The following LITAF variants were observed in gnomAD, a reference collection of about 807,000 sequenced individuals.
LITAF encodes lipopolysaccharide induced TNF factor, also known as lipopolysaccharide-induced tumor necrosis factor-alpha factor.
LITAF carries 9 observed loss-of-function variants against 14.5 expected under a neutral mutation model. The observed-to-expected ratio is 0.62, with a 90% CI of 0.37 to 1.08. The LOEUF is 1.08. Ranked by LOEUF, LITAF falls within the 50% of genes least tolerant of loss-of-function variation. The pLI, the probability that LITAF is intolerant of heterozygous loss-of-function variation, is 0.01. For synonymous variants in LITAF, 98 were observed against 88.2 expected (o/e 1.11, Z -0.62); for missense variants, 206 against 213.4 (o/e 0.97, Z 0.22).
intron 1 of LITAF, among the ~76,000 whole-genome samples, chr16:11,571,337 G>A (rs938593297): frequency 2.0e-5 from 3 of 152,188 alleles, no homozygotes; most frequent in Non-Finnish European, 2.9e-5. Flanking sequence ...AAAGTGGTGG[G>A]ATTACAGGCG....
At position 11,586,034 on chromosome 16, in the gene LITAF, C is replaced by G. The variant is rs1253014090; in HGVS notation, c.-6+852G>C. 1 of 152,678 alleles carries G rather than the reference C, an allele frequency of 6.5e-6. No homozygotes were observed. Among genetic ancestry groups the G allele is most frequent in the Non-Finnish European group, 1.5e-5 (1 of 68,372 alleles). 9.5% of individuals were successfully genotyped at this position (152,678 alleles called of 1,614,324 possible). ...CTTCGGGCACACCACCAACTGACCA[C>G]CTATCCACAGTGACCTGCAAACCAG... On this transcript the variant is annotated intron_variant, in intron 1 of 3. Coordinates refer to ENST00000622633, the MANE Select transcript of LITAF (RefSeq NM_001136472.2). This position sits in a 1 kb window ranked among gnomAD's most constrained non-coding sequence, Gnocchi z 6.5.
Position 11,558,676 on chromosome 16 carries a change from C to G in LITAF, c.-5-1941G>C, listed in dbSNP as rs2064311170. On this transcript the variant is annotated intron_variant, in intron 1 of 3. Transcript: ENST00000622633. This position sits in a 1 kb window ranked among gnomAD's most constrained non-coding sequence, Gnocchi z 4.1. ...TGAGCCATGATCACTCCACTGCACT[C>G]CAGCCTGGGAAACAGAGCGAGACTC... Among the ~76,000 whole-genome samples, 1 of 152,056 alleles carries G rather than the reference C, an allele frequency of 6.6e-6. No individual in the cohort carries two copies. The highest frequency in any genetic ancestry group is 2.4e-5 in the African/African-American group (1 of 41,398).
intron 3 of LITAF, among the ~76,000 whole-genome samples, chr16:11,630,074 C>G (rs2065108659): frequency 6.6e-6 from 1 of 152,178 alleles, no homozygotes; most frequent in South Asian, 2.1e-4. Flanking sequence ...TTTGCTCCTT[C>G]TCATCAAGTG....
At chr16:11,609,611 T>A (rs1287075636) in intron 3 of LITAF, among the ~76,000 whole-genome samples, 1 of 152,152 alleles carries the variant, frequency 6.6e-6, no homozygotes, top group Non-Finnish European at 1.5e-5. Context: ...GAGCAAAGGA[T>A]TCAGGCTGCA....
At chr16:11,630,482 G>A (rs540329924) in intron 3 of LITAF, among the ~76,000 whole-genome samples, 313 of 151,700 alleles carry the variant, frequency 2.1e-3, no homozygotes, top group Non-Finnish European at 3.9e-3. Flanking sequence ...CCTGTGCCCC[G>A]CCTGCTCCAG....
intron 3 of LITAF, among the ~76,000 whole-genome samples, chr16:11,628,872 C>T (rs575619746): frequency 4.1e-4 from 62 of 152,280 alleles, no homozygotes; most frequent in Admixed American, 3.3e-3. Flanking sequence ...GATGGAGTTT[C>T]GCCATATTGG....
At chr16:11,587,158 A>G, upstream of LITAF, 7 of 305,678 alleles carry the variant, frequency 2.3e-5, no homozygotes, top group South Asian at 1.8e-4. Flanking sequence ...TACCCCCGAG[A>G]CGCCTGGCGC....
At chr16:11,561,451 C>T (rs545282982) in intron 1 of LITAF, 6 of 152,320 alleles carry the variant, frequency 3.9e-5, no homozygotes, top group African/African-American at 1.4e-4. Context: ...CCTCGGCCAC[C>T]GCCTCTCCCC....
chr16:11,560,484 G>A (rs945737332), intron 1 of LITAF, among the ~76,000 whole-genome samples: 14 of 151,556 alleles, frequency 9.2e-5, no homozygotes, highest in African/African-American at 2.7e-4. Context: ...GGTGGCGTGC[G>A]CCTGTAATCC....
upstream of LITAF, among the ~76,000 whole-genome samples, chr16:11,602,045 A>G (rs1286249794): frequency 6.6e-6 from 1 of 152,206 alleles, no homozygotes; most frequent in African/African-American, 2.4e-5. Flanking sequence ...TACCTCCAGA[A>G]AAACCACTCA....
chr16:11,553,533 C>A lies in LITAF; in HGVS notation c.377G>T (p.Gly126Val). 6.2e-7 allele frequency: 1 copy of A among 1,613,996 alleles called. No individual in the cohort carries two copies. Among genetic ancestry groups the A allele is most frequent in the Non-Finnish European group, 8.5e-7 (1 of 1,180,010 alleles). The change falls in exon 3 of 4, where the codon GGG becomes GTG. Residue 126 changes from glycine (G) to valine (V), a missense_variant and splice_region_variant. Physicochemically the swap from Gly to Val is moderately radical, Grantham distance 109 (BLOSUM62 -3). Coordinates refer to ENST00000622633, the MANE Select transcript of LITAF (RefSeq NM_001136472.2). This position sits in a 1 kb window ranked among gnomAD's most constrained non-coding sequence, Gnocchi z 7.7. Reference protein sequence around the residue: ...WLSCGSLCLLGCIAGCCFIPF... With the variant: ...WLSCGSLCLLVCIAGCCFIPF... ...GGGGCCAAGTGGGAGGCAGACTCAC[C>A]CCAGCAGGCACAGGCTCCCGCAGGA...
chr16:11,556,826 C>T, intron 1 of LITAF, 91 bp from the exon 2 acceptor site: 1 of 1,151,064 alleles, frequency 8.7e-7, no homozygotes, highest in Non-Finnish European at 1.3e-6. Flanking sequence ...TTCTGGCAAA[C>T]AGAAATTCTG....
At chr16:11,623,659 CA>C (rs546795665) in intron 3 of LITAF, among the ~76,000 whole-genome samples, 372 of 133,348 alleles carry the variant, frequency 2.8e-3, no homozygotes, top group Middle Eastern at 4.1e-3. Context: ...AACTTTGTCT[CA>C]AAAAAAAAAA....
chr16:11,556,634 A>T lies in LITAF; in HGVS notation c.97T>A (p.Tyr33Asn), dbSNP rs752679691. 6.2e-7 allele frequency: 1 copy of T among 1,614,214 alleles called. No individual in the cohort carries two copies. The highest frequency in any genetic ancestry group is 1.7e-5 in the Admixed American group (1 of 60,020). ...GGCATGGGAGCTGGAGGTGTGGGGTAATAACTGTTAACAGCCACTGTCTCT... is the reference window on the plus strand; with the variant it reads ...GGCATGGGAGCTGGAGGTGTGGGGTTATAACTGTTAACAGCCACTGTCTCT... ...YEETVAVNSYYPTPPAPMPGP... is the reference protein window; with the variant it reads ...YEETVAVNSYNPTPPAPMPGP... The change falls in exon 2 of 4, where the codon TAC becomes AAC. Residue 33 changes from tyrosine to asparagine, a missense_variant. Tyr to Asn is a moderately radical substitution (Grantham distance 143, BLOSUM62 -2). Coordinates refer to ENST00000622633, the MANE Select transcript of LITAF (RefSeq NM_001136472.2).
intron 1 of LITAF, among the ~76,000 whole-genome samples, chr16:11,579,506 AAATAAAATAAAATAAAATAAAATAT>A (rs1403227714): frequency 8.8e-5 from 12 of 135,844 alleles, no homozygotes; most frequent in African/African-American, 2.9e-4. Flanking sequence ...AAATAAAATA[AAATAAAATAAAATAAAATAAAATAT>A]ATCAATGCAA....
At chr16:11,612,890 G>C (rs2064991490) in intron 3 of LITAF, among the ~76,000 whole-genome samples, 2 of 152,152 alleles carry the variant, frequency 1.3e-5, no homozygotes, top group Admixed American at 1.3e-4. Context: ...AAGACTTGTG[G>C]GAACCCTGTG....
At position 11,549,768 on chromosome 16, in the gene LITAF, G is replaced by A. The variant is rs200167285; in HGVS notation, c.378-23C>T. ...CACCTGGGAGGAGAGAGAGACACACGGAGCGCGTTACTGATCACAACAGGG... is the reference window on the plus strand; with the variant it reads ...CACCTGGGAGGAGAGAGAGACACACAGAGCGCGTTACTGATCACAACAGGG... On this transcript the variant is annotated intron_variant, in intron 3 of 3. Transcript: ENST00000622633. The surrounding 1 kb of genome is among the most constrained non-coding windows in gnomAD (Gnocchi z 4.6). 35 of 1,582,172 alleles carry A rather than the reference G, an allele frequency of 2.2e-5. No individual in the cohort carries two copies. In the African/African-American group the frequency reaches 2.3e-4, roughly 10 times the overall value.
At chr16:11,601,062 AAG>A (rs1330818487), upstream of LITAF, among the ~76,000 whole-genome samples, 1 of 151,930 alleles carries the variant, frequency 6.6e-6, no homozygotes, top group Non-Finnish European at 1.5e-5. Context: ...AAAGTGAATA[AAG>A]AGAGGGTAGT....
intron 1 of LITAF, among the ~76,000 whole-genome samples, chr16:11,559,711 TA>T (rs1166432147): frequency 6.6e-6 from 1 of 151,428 alleles, no homozygotes; most frequent in East Asian, 1.9e-4. Flanking sequence ...ATGTGGCTAC[TA>T]GGCCGGGCAT....
Sources: allele counts gnomAD v4.1 joint callset (sites outside exome capture counted in the v4.1 genomes callset), GRCh38; gene constraint gnomAD v4.1.1; non-coding constraint Gnocchi (gnomAD v3.1); transcripts MANE v1.5; gene names NCBI Gene and HGNC (gene_info 2026-07-23, HGNC 2026-07-21).